Variants in OR10D3 observed in about 807,000 individuals in gnomAD.
OR10D3 encodes the protein olfactory receptor family 10 subfamily D member 3, also known as olfactory receptor 10D3.
For synonymous variants in OR10D3, 100 were observed against 57.6 expected (o/e 1.74, Z -3.33); for missense variants, 286 against 153.7 (o/e 1.86, Z -4.55).
intron 1 of OR10D3, among the ~76,000 whole-genome samples, chr11:124,184,704 ACCT>A (rs1861199522): frequency 6.6e-6 from 1 of 152,082 alleles, no homozygotes; most frequent in African/African-American, 2.4e-5. Context: ...TTTTCTGTAG[ACCT>A]CCTCAAAAAG....
exon 2 of OR10D3, chr11:124,185,978 G>C: frequency 1.4e-6 from 1 of 703,362 alleles, no homozygotes; most frequent in Non-Finnish European, 2.6e-6. Flanking sequence ...CCGTCGCCGT[G>C]CCTTCTCCAC....
At chr11:124,188,054 A>C (rs553579531) in exon 2 of OR10D3, 1 of 152,238 alleles carries the variant, frequency 6.6e-6, no homozygotes, top group Non-Finnish European at 1.5e-5. Flanking sequence ...AGCATCTTAC[A>C]TCCAAGATAA....
At chr11:124,184,245 C>G (rs150916423) in intron 1 of OR10D3, 1 of 152,144 alleles carries the variant, frequency 6.6e-6, no homozygotes, top group Non-Finnish European at 1.5e-5. Context: ...CCACACAGAT[C>G]CTTGCACAAG....
chr11:124,183,446 C>T (rs1861185214), intron 1 of OR10D3, 63 bp downstream of exon 1: 1 of 147,070 alleles, frequency 6.8e-6, no homozygotes, highest in Non-Finnish European at 1.5e-5. Context: ...CTCTTTCTCT[C>T]TCTCTTTCTC....
chr11:124,185,714 T>C, exon 2 of OR10D3: 1 of 703,632 alleles, frequency 1.4e-6, no homozygotes, highest in Non-Finnish European at 2.6e-6. Flanking sequence ...TGTGGGCACA[T>C]GGCTGTTAGG....
At chr11:124,183,534 C>T (rs1175011367) in intron 1 of OR10D3, among the ~76,000 whole-genome samples, 151 bp downstream of exon 1, 2 of 114,856 alleles carry the variant, frequency 1.7e-5, no homozygotes, top group Non-Finnish European at 3.5e-5. Flanking sequence ...CTCCCTCCCT[C>T]CCTGCCTCCT....
chr11:124,185,087 G>A (rs1011014369), intron 1 of OR10D3, 172 bp from the exon 2 acceptor site: 6 of 567,854 alleles, frequency 1.1e-5, no homozygotes, highest in Admixed American at 6.4e-5. Context: ...TGGCTATGGC[G>A]GTTACATTCC....
chr11:124,186,681 T>C (rs911262730), exon 2 of OR10D3: 3 of 152,678 alleles, frequency 2.0e-5, no homozygotes, highest in Non-Finnish European at 4.4e-5. Flanking sequence ...TGTTTTTTTT[T>C]CCTCCCCAAA....
intron 1 of OR10D3, among the ~76,000 whole-genome samples, chr11:124,184,892 T>C (rs781055929): frequency 6.6e-6 from 1 of 152,186 alleles, no homozygotes; most frequent in Non-Finnish European, 1.5e-5. Context: ...TCCAGTGATA[T>C]AAAAAAGCCC....
rs1861226275 is a variant in OR10D3, at chr11:124,186,368, ATATTT to A, written c.*170_*174del. On this transcript the variant is annotated 3_prime_UTR_variant, in exon 2 of 2. Coordinates refer to ENST00000641351, the Ensembl canonical transcript of OR10D3. ...ATATATAATACATTATCTTTTTGCA[ATATTT>A]TATTTTATTGTCTAGGTTCTGCCTC... The A allele has an allele frequency of 1.8e-5, 9 of 511,176 alleles. No homozygotes were observed. In the South Asian group the frequency reaches 3.0e-4, roughly 17 times the overall value. 31.7% of individuals were successfully genotyped at this position (511,176 alleles called of 1,614,324 possible).
chr11:124,187,598 C>T (rs888197478), exon 2 of OR10D3: 2 of 152,164 alleles, frequency 1.3e-5, no homozygotes, highest in Non-Finnish European at 2.9e-5. Context: ...TGTGATGTAA[C>T]AAAAATAAAT....
chr11:124,185,576 T>C (rs1164257924), exon 2 of OR10D3: 3 of 703,416 alleles, frequency 4.3e-6, no homozygotes, highest in African/African-American at 1.7e-5. Context: ...CCAGCTTTTC[T>C]TCTTCCATTT....
exon 2 of OR10D3, chr11:124,185,670 T>C (rs2512228): frequency 0.53 from 369,422 of 703,408 alleles, 97,869 homozygotes; most frequent in East Asian, 0.64. Context: ...CGATACACAG[T>C]CATCATGAAC....
chr11:124,184,519 T>G (rs1486598918), intron 1 of OR10D3, among the ~76,000 whole-genome samples: 1 of 151,948 alleles, frequency 6.6e-6, no homozygotes, highest in Admixed American at 6.5e-5. Context: ...AATACCGGGG[T>G]AAGATTTGAC....
chr11:124,187,990 G>T (rs1408063605), exon 2 of OR10D3: 1 of 152,146 alleles, frequency 6.6e-6, no homozygotes, highest in African/African-American at 2.4e-5. Flanking sequence ...TTCCAACTAA[G>T]AAGAGATAAG....
intron 1 of OR10D3, among the ~76,000 whole-genome samples, chr11:124,183,944 A>T (rs1215235882): frequency 1.3e-5 from 2 of 152,164 alleles, no homozygotes; most frequent in East Asian, 3.9e-4. Flanking sequence ...ACTTGATTTT[A>T]TATTATTAAA....
At chr11:124,186,500 ATTTT>A in exon 2 of OR10D3, 1 of 149,200 alleles carries the variant, frequency 6.7e-6, no homozygotes, top group East Asian at 1.9e-4. Context: ...CCATCCTGCC[ATTTT>A]TTTTTTTTTT....
chr11:124,183,662 A>G (rs1335018438), intron 1 of OR10D3, among the ~76,000 whole-genome samples: 1 of 151,004 alleles, frequency 6.6e-6, no homozygotes, highest in Non-Finnish European at 1.5e-5. Context: ...GGTTCAAGCA[A>G]TTCTCCTGCC....
chr11:124,183,802 T>G (rs1861190113), intron 1 of OR10D3, among the ~76,000 whole-genome samples: 1 of 152,204 alleles, frequency 6.6e-6, no homozygotes, highest in Non-Finnish European at 1.5e-5. Context: ...GAATTCAGAA[T>G]GAACAGAGAG....
Sources: gnomAD v4.1 joint callset for allele counts (sites outside exome capture counted in the v4.1 genomes callset) on GRCh38, gnomAD v4.1.1 for gene constraint, MANE v1.5 for transcripts, NCBI Gene and HGNC (gene_info 2026-07-23, HGNC 2026-07-21) for gene names.